Variants in MSL1 observed in about 807,000 individuals in gnomAD.
MSL1 encodes MSL complex subunit 1.
In MSL1, 21 loss-of-function variants were observed where a neutral mutation model predicts 64.6. The ratio of observed to expected loss-of-function variants is 0.33; its 90% confidence interval spans 0.23 to 0.47. The LOEUF (loss-of-function observed/expected upper bound fraction) is 0.47. Among genes scored for constraint, MSL1 ranks in the 20% least tolerant of loss-of-function variants. The probability of loss-of-function intolerance (pLI) is 1.00; values close to 1 mark genes in which losing one functional copy is unlikely to be tolerated. For missense variants in MSL1, 664 were observed against 793.2 expected (o/e 0.84, Z 1.96); for synonymous variants, 339 against 329.6 (o/e 1.03, Z -0.31).
intron 2 of MSL1, among the ~76,000 whole-genome samples, chr17:40,128,176 GTGGGGGA>G (rs1325254516): frequency 6.6e-6 from 1 of 151,940 alleles, no homozygotes; most frequent in Admixed American, 6.6e-5. Flanking sequence ...TTGGGATGTG[GTGGGGGA>G]AGAAGGGAAG....
chr17:40,122,624 A>C lies in MSL1; in HGVS notation c.12A>C (p.Arg4Ser). The C allele has an allele frequency of 1.4e-6, 2 of 1,477,344 alleles. No homozygotes were observed. The highest frequency in any genetic ancestry group is 1.8e-6 in the Non-Finnish European group (2 of 1,120,902). 91.5% of individuals were successfully genotyped at this position (1,477,344 alleles called of 1,614,324 possible). A position where few individuals can be genotyped will look rare whatever the true frequency, so the allele number is the denominator to read the frequency against. Residue 4 changes from arginine (R) to serine (S), a missense_variant, in exon 1 of 9, where the codon AGA (arginine) becomes AGC (serine). This residue lies in a region of MSL1 where 466 missense variants were observed against 499.0 expected (regional missense o/e 0.93). Coordinates refer to ENST00000398532, the MANE Select transcript of MSL1 (RefSeq NM_001365919.1). This position sits in a 1 kb window ranked among gnomAD's most constrained non-coding sequence, Gnocchi z 4.2. ...TGCTCCGGACCACTATGACCATGAG[A>C]TCCGCGGTGTTCAAGGCGGCCGCGG... MTM[R>S]SAVFKAAAAP...
At position 40,136,703 on chromosome 17, in the gene MSL1, T is replaced by C. The variant is rs971151541; in HGVS notation, c.*2334T>C. ...TTGTCTGTGTTGTAATTCATAACTT[T>C]TGATACCATTTCTGATGTGTAAAAT... On this transcript the variant is annotated 3_prime_UTR_variant, in exon 9 of 9. Coordinates refer to ENST00000398532, the MANE Select transcript of MSL1 (RefSeq NM_001365919.1). The C allele has an allele frequency of 6.6e-6, 1 of 152,376 alleles. No homozygotes were observed. The highest frequency in any genetic ancestry group is 2.4e-5 in the African/African-American group (1 of 41,462). The allele number at this position is 152,376 out of a possible 1,614,324, so 9.4% of individuals were successfully genotyped here.
intron 7 of MSL1, 34 bp downstream of exon 7, chr17:40,133,692 G>C (rs766688536): frequency 1.2e-6 from 2 of 1,610,698 alleles, no homozygotes; most frequent in Non-Finnish European, 1.7e-6. Flanking sequence ...GTAGGTTTTT[G>C]AAAGAAGGAG....
chr17:40,133,835 T>G lies in MSL1; in HGVS notation c.1690T>G (p.Leu564Val), dbSNP rs1197489307. Residue 564 changes from leucine (L) to valine (V), a missense_variant, in exon 8 of 9, where the codon TTG becomes GTG. Transcript: ENST00000398532. ...FFPEPDDVES[L>V]MITPFLPVVA... ...TTGACTTTCTCCCATAGTTGAAAGT[T>G]TGATGATTACCCCCTTCTTGCCTGT... is the stretch of plus-strand genomic sequence containing the variant. 14 of 1,613,908 alleles carry G rather than the reference T, an allele frequency of 8.7e-6. No homozygotes were observed. The highest frequency in any genetic ancestry group is 1.1e-5 in the Non-Finnish European group (13 of 1,179,892).
Position 40,135,296 on chromosome 17 carries a change from GAAAC to G in MSL1, c.*933_*936del, listed in dbSNP as rs1988518773. 6.6e-6 allele frequency: 1 copy of G among 152,122 alleles called. No individual in the cohort carries two copies. Among genetic ancestry groups the G allele is most frequent in the African/African-American group, 2.4e-5 (1 of 41,368 alleles). 9.4% of individuals were successfully genotyped at this position (152,122 alleles called of 1,614,324 possible). ...TTTGGCTGGCAAATGTCTACATCTTGAAACAAACAGATGTACCTAATGAGCTTCT... is the reference window on the plus strand; with the variant it reads ...TTTGGCTGGCAAATGTCTACATCTTGAAACAGATGTACCTAATGAGCTTCT... On this transcript the variant is annotated 3_prime_UTR_variant, in exon 9 of 9. Transcript: ENST00000398532.
chr17:40,134,227 C>T (rs1988496084), intron 8 of MSL1, 52 bp from the exon 9 acceptor site: 5 of 1,474,354 alleles, frequency 3.4e-6, no homozygotes, highest in Non-Finnish European at 4.6e-6. Context: ...ATCATGTCCA[C>T]ACTGAATCCC....
rs1159692551 is a variant in MSL1, at chr17:40,136,665, C to T, written c.*2296C>T. 1 of 152,176 alleles carries T rather than the reference C, an allele frequency of 6.6e-6. No homozygotes were observed. 9.4% of individuals were successfully genotyped at this position (152,176 alleles called of 1,614,324 possible). A position where few individuals can be genotyped will look rare whatever the true frequency, so the allele number is the denominator to read the frequency against. On this transcript the variant is annotated 3_prime_UTR_variant, in exon 9 of 9. Transcript: ENST00000398532. ...TGTCTACTTCAGCTTTGTTTTATGC[C>T]CATTTCATATTGTTGTCTGTGTTGT...
At position 40,133,801 on chromosome 17, in the gene MSL1, C is replaced by A. The variant is rs774862245; in HGVS notation, c.1682-26C>A. Reference sequence around the variant, plus strand: ...ACATTTCCCATCTGTATTACTAATACGCTCCCGTTTGACTTTCTCCCATAG... The same window carrying A: ...ACATTTCCCATCTGTATTACTAATAAGCTCCCGTTTGACTTTCTCCCATAG... On this transcript the variant is annotated intron_variant, in intron 7 of 8. Transcript: ENST00000398532. The A allele has an allele frequency of 7.4e-6, 12 of 1,612,146 alleles. 1 individual carries two copies. Among genetic ancestry groups the A allele is most frequent in the Non-Finnish European group, 1.0e-5 (12 of 1,178,270 alleles).
intron 7 of MSL1, 74 bp downstream of exon 7, chr17:40,133,732 C>T (rs1988486635): frequency 1.2e-6 from 2 of 1,611,014 alleles, no homozygotes; most frequent in South Asian, 1.1e-5. Flanking sequence ...GTACAACTTG[C>T]TCTGAATGAA....
Position 40,136,482 on chromosome 17 carries a change from T to G in MSL1, c.*2113T>G. The G allele has an allele frequency of 6.6e-6, 1 of 152,280 alleles. No individual in the cohort carries two copies. Among genetic ancestry groups the G allele is most frequent in the East Asian group, 1.9e-4 (1 of 5,338 alleles). 9.4% of individuals were successfully genotyped at this position (152,280 alleles called of 1,614,324 possible). On this transcript the variant is annotated 3_prime_UTR_variant, in exon 9 of 9. Transcript: ENST00000398532. ...AGTGCAAAATTACAGTGTGTTAGAG[T>G]GTGGGGGGAAAATTAGTCTTATTTT...
Position 40,123,197 on chromosome 17 carries a change from C to T in MSL1, c.585C>T (p.Ser195=), listed in dbSNP as rs1418267612. 2.0e-6 allele frequency: 3 copies of T among 1,535,510 alleles called. No individual in the cohort carries two copies. The highest frequency in any genetic ancestry group is 2.6e-6 in the Non-Finnish European group (3 of 1,146,810). Residue 195 remains serine (S), a synonymous_variant, in exon 1 of 9, where the codon AGC becomes AGT. Transcript: ENST00000398532. ...CCACCGCCGGGACCCTGGCGGCCAG[C>T]GAGGGCAGATGGAAGAGTATGAGGA... is the stretch of plus-strand genomic sequence containing the variant. ...PTATAGTLAA[S]EGRWKSMRKS...
In MSL1 at chr17:40,131,356, T is replaced by G; in HGVS notation, c.1376-181T>G. 2 of 527,812 alleles carry G rather than the reference T, an allele frequency of 3.8e-6. No individual in the cohort carries two copies. Among genetic ancestry groups the G allele is most frequent in the South Asian group, 2.8e-5 (1 of 36,306 alleles). 32.7% of individuals were successfully genotyped at this position (527,812 alleles called of 1,614,324 possible). On this transcript the variant is annotated intron_variant, in intron 3 of 8. Transcript: ENST00000398532. The surrounding 1 kb of genome is among the most constrained non-coding windows in gnomAD (Gnocchi z 4.5). ...TAAAAAAAAAAAGTGGTGGGCTTAT[T>G]TTCTTTTCTTTTGTCTGTTGTTCCC...
Position 40,135,247 on chromosome 17 carries a change from G to GA in MSL1, c.*879dup, listed in dbSNP as rs1189751656. 1.3e-5 allele frequency: 2 copies of GA among 152,304 alleles called. No homozygotes were observed. The highest frequency in any genetic ancestry group is 2.1e-4 in the South Asian group (1 of 4,824). 9.4% of individuals were successfully genotyped at this position (152,304 alleles called of 1,614,324 possible). A position where few individuals can be genotyped will look rare whatever the true frequency, so the allele number is the denominator to read the frequency against. ...GATAGAGACTTAGGGAGGGTAGGGG[G>GA]AGAGTGTGGAAATAGGTGCTTCCTT... On this transcript the variant is annotated 3_prime_UTR_variant, in exon 9 of 9. Transcript: ENST00000398532.
chr17:40,132,753 G>A (rs1184604312), intron 5 of MSL1, among the ~76,000 whole-genome samples: 2 of 152,220 alleles, frequency 1.3e-5, no homozygotes, highest in African/African-American at 4.8e-5. Context: ...TGGAGGCAGG[G>A]AGGGTTTATG....
At chr17:40,125,429 C>T (rs1371222233) in intron 1 of MSL1, among the ~76,000 whole-genome samples, 1 of 152,198 alleles carries the variant, frequency 6.6e-6, no homozygotes, top group Non-Finnish European at 1.5e-5. Context: ...TTAATTCCTT[C>T]TCAATGTACT....
chr17:40,135,283 A>C lies in MSL1; in HGVS notation c.*914A>C, dbSNP rs958062555. Reference sequence around the variant, plus strand: ...AATAGGTGCTTCCTTTGGCTGGCAAATGTCTACATCTTGAAACAAACAGAT... The same window carrying C: ...AATAGGTGCTTCCTTTGGCTGGCAACTGTCTACATCTTGAAACAAACAGAT... On this transcript the variant is annotated 3_prime_UTR_variant, in exon 9 of 9. Transcript: ENST00000398532. 6.6e-6 allele frequency: 1 copy of C among 152,270 alleles called. No individual in the cohort carries two copies. Among genetic ancestry groups the C allele is most frequent in the Non-Finnish European group, 1.5e-5 (1 of 68,016 alleles). The allele number at this position is 152,270 out of a possible 1,614,324, so 9.4% of individuals were successfully genotyped here. A position where few individuals can be genotyped will look rare whatever the true frequency, so the allele number is the denominator to read the frequency against.
rs1988447725 is a variant in MSL1 at position 40,132,035 on chromosome 17, T to G, written c.1425T>G (p.Val475=). The G allele has an allele frequency of 6.3e-7, 1 of 1,589,934 alleles. No individual in the cohort carries two copies. The highest frequency in any genetic ancestry group is 1.3e-5 in the African/African-American group (1 of 74,592). ...SVAGETSVLA[V]PSWRDHSVEP... ...CTTTTTCTCTCTCTTTTTTTTCAGT[T>G]CCTTCTTGGAGGGACCACTCAGTAG... is the stretch of plus-strand genomic sequence containing the variant. The change falls in exon 5 of 9, where the codon GTT becomes GTG. Residue 475 remains valine (V), a splice_region_variant and synonymous_variant. Transcript: ENST00000398532.
intron 2 of MSL1, among the ~76,000 whole-genome samples, chr17:40,128,703 T>C (rs1988377355): frequency 6.6e-6 from 1 of 151,488 alleles, no homozygotes; most frequent in African/African-American, 2.4e-5. Context: ...TTCTTAAGCA[T>C]GGAAATTCCT....
Position 40,122,240 on chromosome 17 carries a change from G to A in MSL1, c.-373G>A, listed in dbSNP as rs1158031938. 6.8e-6 allele frequency: 1 copy of A among 147,498 alleles called. No individual in the cohort carries two copies. The highest frequency in any genetic ancestry group is 2.5e-5 in the African/African-American group (1 of 40,222). The allele number at this position is 147,498 out of a possible 1,614,324, so 9.1% of individuals were successfully genotyped here. On this transcript the variant is annotated 5_prime_UTR_variant, in exon 1 of 9. Transcript: ENST00000398532. The surrounding 1 kb of genome is among the most constrained non-coding windows in gnomAD (Gnocchi z 4.2). Reference sequence around the variant, plus strand: ...CGGGGCGGGGGGCCGGGGCGGGGAAGGGGGGGTGCGGGGTGGGGAGACGAG... The same window carrying A: ...CGGGGCGGGGGGCCGGGGCGGGGAAAGGGGGGTGCGGGGTGGGGAGACGAG...
Sources: allele counts gnomAD v4.1 joint callset (sites outside exome capture counted in the v4.1 genomes callset), GRCh38; gene constraint gnomAD v4.1.1; regional missense constraint gnomAD v4.1.1; non-coding constraint Gnocchi (gnomAD v3.1); transcripts MANE v1.5; gene names NCBI Gene and HGNC (gene_info 2026-07-23, HGNC 2026-07-21).